The following ZNF765 variants were observed in gnomAD, a reference collection of about 807,000 sequenced individuals.
The protein encoded by ZNF765 is zinc finger protein 765.
A neutral mutation model predicts 44.7 loss-of-function variants in ZNF765; 37 were observed. The ratio of observed to expected loss-of-function variants is 0.83; its 90% CI spans 0.64 to 1.09. The LOEUF (loss-of-function observed/expected upper bound fraction) is 1.09. Among genes scored for constraint, ZNF765 ranks in the 50% least tolerant of loss-of-function variants. The probability of loss-of-function intolerance (pLI) is 0.00; values close to 1 mark genes in which losing one functional copy is unlikely to be tolerated. For synonymous variants in ZNF765, 201 were observed against 213.7 expected (o/e 0.94, Z 0.52); for missense variants, 594 against 626.1 (o/e 0.95, Z 0.55).
At chr19:53,398,300 A>T (rs112141842) in intron 2 of ZNF765, among the ~76,000 whole-genome samples, 3,128 of 152,286 alleles carry the variant, frequency 0.021, 53 homozygotes, top group Non-Finnish European at 0.034. Context: ...CCATGGTGTC[A>T]GTGCTGTTGG....
intron 3 of ZNF765, among the ~76,000 whole-genome samples, chr19:53,406,805 C>T (rs1170562528): frequency 2.6e-5 from 4 of 152,164 alleles, no homozygotes; most frequent in Non-Finnish European, 4.4e-5. Context: ...ATCCCAGGTA[C>T]TCAGGAGGCT....
chr19:53,408,977 C>T lies in ZNF765; in HGVS notation c.1422C>T (p.Thr474=). The change falls in exon 4 of 4, where the codon ACC becomes ACT. Residue 474 remains threonine (T), a synonymous_variant. Coordinates refer to ENST00000396408, the MANE Select transcript of ZNF765 (RefSeq NM_001040185.3). ...ACAAGTGTAATGAGTGTGGCAAGAC[C>T]TTCAGCCGGACGTCATCCCTTACAT... ...NPYKCNECGK[T]FSRTSSLTYH... 1 of 1,603,706 alleles carries T rather than the reference C, an allele frequency of 6.2e-7. No individual in the cohort carries two copies. The highest frequency in any genetic ancestry group is 8.5e-7 in the Non-Finnish European group (1 of 1,172,936).
In ZNF765 at chr19:53,408,390, A is replaced by T. The variant is rs1265321201; in HGVS notation, c.835A>T (p.Thr279Ser). Reference sequence around the variant, plus strand: ...TTACAAGTGTAATGAGTGTGGCAAGACCTTCAGTCAGACATATTACCTAAC... The same window carrying T: ...TTACAAGTGTAATGAGTGTGGCAAGTCCTTCAGTCAGACATATTACCTAAC... ...KPYKCNECGK[T>S]FSQTYYLTCH... is the part of the protein sequence containing the mutation. The change falls in exon 4 of 4, where the codon ACC (threonine) becomes TCC (serine). Residue 279 changes from threonine (T) to serine (S), a missense_variant. By Grantham distance (58) the Thr-to-Ser change is moderately conservative. This residue lies in a region of ZNF765 where 567 missense variants were observed against 572.6 expected (regional missense o/e 0.99). Transcript: ENST00000396408. 6.2e-7 allele frequency: 1 copy of T among 1,614,076 alleles called. No individual in the cohort carries two copies. The highest frequency in any genetic ancestry group is 1.3e-5 in the African/African-American group (1 of 74,950).
chr19:53,426,815 C>T (rs1237464093), exon 4 of ZNF765: 1 of 152,044 alleles, frequency 6.6e-6, no homozygotes, highest in South Asian at 2.1e-4. Flanking sequence ...AAACCAGTCC[C>T]TGGTGCCAAA....
At chr19:53,413,623 T>G (rs1472922625), downstream of ZNF765, among the ~76,000 whole-genome samples, 2 of 140,678 alleles carry the variant, frequency 1.4e-5, no homozygotes, top group Non-Finnish European at 3.1e-5. Flanking sequence ...TTTTTTTAAC[T>G]CCACTGGGTC....
chr19:53,408,604 C>T lies in ZNF765; in HGVS notation c.1049C>T (p.Thr350Ile). ...SYLTCHRRLH[T>I]GEKPYKCNEC... ...CTTACATGCCATCGTAGGCTTCATA[C>T]TGGAGAGAAACCTTACAAGTGTAAT... Residue 350 changes from threonine (T) to isoleucine (I), a missense_variant, in exon 4 of 4, where the codon ACT (threonine) becomes ATT (isoleucine). Transcript: ENST00000396408. 1 of 1,613,458 alleles carries T rather than the reference C, an allele frequency of 6.2e-7. No individual in the cohort carries two copies. Among genetic ancestry groups the T allele is most frequent in the Non-Finnish European group, 8.5e-7 (1 of 1,179,740 alleles).
chr19:53,418,722 A>G (rs973589704), intron 3 of ZNF765, among the ~76,000 whole-genome samples: 4 of 151,852 alleles, frequency 2.6e-5, no homozygotes, highest in Admixed American at 2.0e-4. Flanking sequence ...CCTGCCCGAC[A>G]TGGCAAAACC....
chr19:53,415,268 C>G (rs2085868045), downstream of ZNF765, among the ~76,000 whole-genome samples: 4 of 147,270 alleles, frequency 2.7e-5, no homozygotes, highest in Admixed American at 2.0e-4. Context: ...GAAACTCCAT[C>G]TCGAAAAAAA....
chr19:53,417,881 C>T (rs967994411), intron 3 of ZNF765, among the ~76,000 whole-genome samples: 1 of 152,150 alleles, frequency 6.6e-6, no homozygotes, highest in African/African-American at 2.4e-5. Context: ...GGAAAGACTT[C>T]TCAGGGAGGC....
At chr19:53,407,335 G>A (rs1243542937) in intron 3 of ZNF765, among the ~76,000 whole-genome samples, 2 of 152,134 alleles carry the variant, frequency 1.3e-5, no homozygotes, top group Non-Finnish European at 2.9e-5. Flanking sequence ...TTTGTATACA[G>A]TAAATATGCT....
chr19:53,420,545 G>A (rs1277171566), intron 3 of ZNF765, among the ~76,000 whole-genome samples: 2 of 152,114 alleles, frequency 1.3e-5, no homozygotes, highest in African/African-American at 4.8e-5. Context: ...GGGAAAAGAA[G>A]GAGAGATCAG....
chr19:53,399,054 A>G (rs961990087), intron 2 of ZNF765, among the ~76,000 whole-genome samples: 20 of 151,936 alleles, frequency 1.3e-4, no homozygotes, highest in South Asian at 4.2e-4. Context: ...CCCAGCCCCA[A>G]TGATTATTAT....
downstream of ZNF765, chr19:53,413,256 A>G (rs975291720): frequency 6.7e-6 from 4 of 596,418 alleles, no homozygotes; most frequent in Non-Finnish European, 9.6e-6. Flanking sequence ...AAACCGTTCC[A>G]TTCCCCAGTG....
In ZNF765 at chr19:53,410,372, A is replaced by G; in HGVS notation, c.*1245A>G. 2.9e-6 allele frequency: 1 copy of G among 339,648 alleles called. No homozygotes were observed. Among genetic ancestry groups the G allele is most frequent in the African/African-American group, 2.2e-5 (1 of 46,226 alleles). The allele number at this position is 339,648 out of a possible 1,614,324, so 21.0% of individuals were successfully genotyped here. On this transcript the variant is annotated 3_prime_UTR_variant, in exon 4 of 4. Transcript: ENST00000396408. Reference sequence around the variant, plus strand: ...AGAATGTCACCAAGTTTTCAGTCACACTCAAACCTTGAAAGACACAGGAGA... The same window carrying G: ...AGAATGTCACCAAGTTTTCAGTCACGCTCAAACCTTGAAAGACACAGGAGA...
intron 1 of ZNF765, among the ~76,000 whole-genome samples, chr19:53,396,001 A>G (rs867270153): frequency 0.02 from 785 of 40,206 alleles, 14 homozygotes; most frequent in East Asian, 0.13. Flanking sequence ...TGTGGGGGAA[A>G]AAAAAAAAAA....
Position 53,409,669 on chromosome 19 carries a change from A to G in ZNF765, c.*542A>G, listed in dbSNP as rs577246934. 32 of 1,172,880 alleles carry G rather than the reference A, an allele frequency of 2.7e-5. No individual in the cohort carries two copies. The African/African-American group carries it at 4.5e-4, about 16-fold the overall frequency. 72.7% of individuals were successfully genotyped at this position (1,172,880 alleles called of 1,614,324 possible). Reference sequence around the variant, plus strand: ...AGTCAGAACTCATACCTTACACGCCATCGTAGACTTCATACTGGAGGATAC... The same window carrying G: ...AGTCAGAACTCATACCTTACACGCCGTCGTAGACTTCATACTGGAGGATAC... On this transcript the variant is annotated 3_prime_UTR_variant, in exon 4 of 4. Coordinates refer to ENST00000396408, the MANE Select transcript of ZNF765 (RefSeq NM_001040185.3).
At chr19:53,412,331 G>T (rs902457040), downstream of ZNF765, among the ~76,000 whole-genome samples, 38 of 152,238 alleles carry the variant, frequency 2.5e-4, no homozygotes, top group African/African-American at 8.2e-4. Flanking sequence ...ACATTGATTT[G>T]CTTGAATATG....
In ZNF765 at chr19:53,407,963, T is replaced by G. The variant is rs1474493452; in HGVS notation, c.408T>G (p.Val136=). The change falls in exon 4 of 4, where the codon GTT becomes GTG. Residue 136 remains valine, a synonymous_variant. Coordinates refer to ENST00000396408, the MANE Select transcript of ZNF765 (RefSeq NM_001040185.3). ...YDQNYAGNKP[V]KYQLGFSFHS... ...AAAATTATGCTGGAAACAAGCCTGT[T>G]AAATATCAGCTTGGATTCAGCTTTC... 1 of 1,614,208 alleles carries G rather than the reference T, an allele frequency of 6.2e-7. No homozygotes were observed. Among genetic ancestry groups the G allele is most frequent in the East Asian group, 2.2e-5 (1 of 44,878 alleles).
chr19:53,404,069 A>C (rs778530485), intron 3 of ZNF765, among the ~76,000 whole-genome samples: 3 of 152,134 alleles, frequency 2.0e-5, no homozygotes, highest in Non-Finnish European at 4.4e-5. Context: ...TTATTTGCCT[A>C]TTCATTTATT....
Sources: allele counts gnomAD v4.1 joint callset (sites outside exome capture counted in the v4.1 genomes callset), GRCh38; gene constraint gnomAD v4.1.1; regional missense constraint gnomAD v4.1.1; transcripts MANE v1.5; gene names NCBI Gene and HGNC (gene_info 2026-07-23, HGNC 2026-07-21).